Variants in KLHL7 observed in about 807,000 individuals in gnomAD.
The protein encoded by KLHL7 is kelch-like protein 7.
Under a neutral mutation model 67.4 loss-of-function variants are expected in KLHL7, and 44 were observed. That is an observed-to-expected ratio of 0.65 (90% CI 0.51 to 0.84). The LOEUF is 0.84. Ranked by LOEUF, KLHL7 falls within the 40% of genes least tolerant of loss-of-function variation. KLHL7 has a pLI of 0.00. For missense variants in KLHL7, 362 were observed against 718.1 expected, an observed-to-expected ratio of 0.50 and a Z score of 5.67; for synonymous variants, 252 against 243.3, an observed-to-expected ratio of 1.04 and a Z score of -0.33.
intron 5 of KLHL7, among the ~76,000 whole-genome samples, chr7:23,141,653 C>T (rs187748431): frequency 1.5e-4 from 23 of 151,952 alleles, no homozygotes; most frequent in Non-Finnish European, 2.5e-4. Context: ...GACGGAGTCT[C>T]GCTCTGTTGC....
intron 9 of KLHL7, among the ~76,000 whole-genome samples, chr7:23,171,434 A>G (rs757182594): frequency 2.6e-5 from 4 of 152,214 alleles, no homozygotes; most frequent in African/African-American, 9.6e-5. Flanking sequence ...AGCTGAGTCT[A>G]TAAATCTCAC....
Position 23,143,875 on chromosome 7 carries a change from TTGAAATACGA to T in KLHL7, c.648_657del (p.Lys216AsnfsTer25), listed in dbSNP as rs2128465037. The T allele has an allele frequency of 6.2e-7, 1 of 1,614,184 alleles. No individual in the cohort carries two copies. Among genetic ancestry groups the T allele is most frequent in the Non-Finnish European group, 8.5e-7 (1 of 1,180,014 alleles). Reference sequence around the variant, plus strand: ...GGTTTATGATGCTGCAGTCAGGTGGTTGAAATACGATGAACCTAATCGCCAGCCATTTATG... The same window carrying T: ...GGTTTATGATGCTGCAGTCAGGTGGTTGAACCTAATCGCCAGCCATTTATG... On this transcript the variant is annotated frameshift_variant, in exon 6 of 11. Coordinates refer to ENST00000339077, the MANE Select transcript of KLHL7 (RefSeq NM_001031710.3). LOFTEE classifies it high-confidence loss of function.
chr7:23,151,225 T>C (rs185615694), intron 6 of KLHL7, among the ~76,000 whole-genome samples: 1 of 152,188 alleles, frequency 6.6e-6, no homozygotes, highest in African/African-American at 2.4e-5. Context: ...TTCAGATTTT[T>C]ATTGATTTGA....
At chr7:23,150,442 A>T (rs1481751856) in intron 6 of KLHL7, among the ~76,000 whole-genome samples, 1 of 152,192 alleles carries the variant, frequency 6.6e-6, no homozygotes, top group Admixed American at 6.5e-5. Flanking sequence ...TAACACAAAC[A>T]GTAGTGCACT....
intron 4 of KLHL7, among the ~76,000 whole-genome samples, chr7:23,127,738 G>A (rs1296446765): frequency 6.6e-6 from 1 of 152,048 alleles, no homozygotes; most frequent in Non-Finnish European, 1.5e-5. Flanking sequence ...TGCAGGCGTG[G>A]TGGCACACAC....
chr7:23,121,837 C>G (rs1400690486), intron 1 of KLHL7, among the ~76,000 whole-genome samples: 1 of 152,028 alleles, frequency 6.6e-6, no homozygotes, highest in Non-Finnish European at 1.5e-5. Flanking sequence ...TGCCCACCAC[C>G]ACACCTGGCT....
chr7:23,166,271 CTT>C (rs1337411720), intron 8 of KLHL7, among the ~76,000 whole-genome samples: 3 of 152,260 alleles, frequency 2.0e-5, no homozygotes, highest in Admixed American at 2.0e-4. Context: ...CTTATAGACT[CTT>C]TAAGAACTCG....
intron 1 of KLHL7, among the ~76,000 whole-genome samples, chr7:23,112,421 A>G (rs1361418262): frequency 6.6e-6 from 1 of 152,242 alleles, no homozygotes; most frequent in Non-Finnish European, 1.5e-5. Flanking sequence ...AATTATCTGC[A>G]TATAGAAGAT....
rs1050518915 is a variant in KLHL7 at position 23,176,174 on chromosome 7, A to C, written c.*1876A>C. 1 of 152,050 alleles carries C rather than the reference A, an allele frequency of 6.6e-6. No homozygotes were observed. The highest frequency in any genetic ancestry group is 6.6e-5 in the Admixed American group (1 of 15,264). 9.4% of individuals were successfully genotyped at this position (152,050 alleles called of 1,614,324 possible). A position where few individuals can be genotyped will look rare whatever the true frequency, so the allele number is the denominator to read the frequency against. ...TGGTGGCTTTAAAGAACAGAAATTT[A>C]TTCTCTCACAATTCAGGAAGCCAGC... On this transcript the variant is annotated 3_prime_UTR_variant, in exon 11 of 11. Coordinates refer to ENST00000339077, the MANE Select transcript of KLHL7 (RefSeq NM_001031710.3).
At chr7:23,168,217 A>G in intron 9 of KLHL7, 180 bp downstream of exon 9, 1 of 619,048 alleles carries the variant, frequency 1.6e-6, no homozygotes, top group Non-Finnish European at 2.8e-6. Context: ...CCCTTACACC[A>G]GAAATGGCTT....
chr7:23,137,494 T>C (rs1784020372), intron 4 of KLHL7, among the ~76,000 whole-genome samples: 1 of 151,684 alleles, frequency 6.6e-6, no homozygotes, highest in Non-Finnish European at 1.5e-5. Flanking sequence ...CTTTTTTTTT[T>C]TTTTGACAGA....
chr7:23,147,524 G>A (rs1784397094), intron 6 of KLHL7, among the ~76,000 whole-genome samples: 1 of 152,174 alleles, frequency 6.6e-6, no homozygotes, highest in Non-Finnish European at 1.5e-5. Context: ...GAACAGTGCT[G>A]CTATTTGTTG....
At chr7:23,133,298 G>A (rs946406847) in intron 4 of KLHL7, among the ~76,000 whole-genome samples, 1 of 151,984 alleles carries the variant, frequency 6.6e-6, no homozygotes, top group African/African-American at 2.4e-5. Context: ...CCACTTTTTG[G>A]TGTCTTCTTC....
chr7:23,121,672 G>A (rs1182151626), intron 1 of KLHL7, among the ~76,000 whole-genome samples: 1 of 138,312 alleles, frequency 7.2e-6, no homozygotes, highest in East Asian at 2.0e-4. Context: ...CTATAGGTCA[G>A]TCCCATCCTT....
At chr7:23,123,715 C>T (rs1408040282) in intron 1 of KLHL7, 62 bp from the exon 2 acceptor site, 2 of 1,069,046 alleles carry the variant, frequency 1.9e-6, no homozygotes, top group Non-Finnish European at 2.9e-6. Flanking sequence ...ACCTTTTTAA[C>T]ATGTATTGCC....
chr7:23,142,584 A>G (rs1179073628), intron 5 of KLHL7, among the ~76,000 whole-genome samples: 2 of 152,310 alleles, frequency 1.3e-5, no homozygotes, highest in East Asian at 1.9e-4. Context: ...CAGCATTAGC[A>G]TCATCAGTGA....
intron 9 of KLHL7, among the ~76,000 whole-genome samples, chr7:23,169,460 T>A (rs1334490545): frequency 6.6e-6 from 1 of 152,182 alleles, no homozygotes; most frequent in Non-Finnish European, 1.5e-5. Flanking sequence ...CTCCCTTTTA[T>A]GTGAACCTCT....
chr7:23,124,190 CAAAAAAAAAAAAAAAAAAA>C (rs149801497), intron 2 of KLHL7, among the ~76,000 whole-genome samples: 3 of 25,872 alleles, frequency 1.2e-4, no homozygotes, highest in East Asian at 2.3e-3. Flanking sequence ...GACTCTGTCT[CAAAAAAAAAAAAAAAAAAA>C]AAAAAAAAAA....
intron 4 of KLHL7, among the ~76,000 whole-genome samples, chr7:23,130,683 T>C (rs1783765288): frequency 6.6e-6 from 1 of 152,206 alleles, no homozygotes; most frequent in African/African-American, 2.4e-5. Flanking sequence ...TTTCATCTGT[T>C]ACTCAGGTTT....
Sources: gnomAD v4.1 joint callset for allele counts (sites outside exome capture counted in the v4.1 genomes callset) on GRCh38, gnomAD v4.1.1 for gene constraint, MANE v1.5 for transcripts, NCBI Gene and HGNC (gene_info 2026-07-23, HGNC 2026-07-21) for gene names.